Variants in REEP1 observed in about 807,000 individuals in gnomAD.
REEP1 encodes the protein receptor expression-enhancing protein 1.
In REEP1, 22 loss-of-function variants were observed where a neutral mutation model predicts 40.3. That is an observed-to-expected ratio of 0.55 (90% CI 0.39 to 0.78). The LOEUF is 0.78. REEP1 is among the 30% of genes least tolerant of loss of function. The pLI is 0.00. For synonymous variants in REEP1, 116 were observed against 139.2 expected (o/e 0.83, Z 1.17); for missense variants, 280 against 361.1 (o/e 0.78, Z 1.82).
intron 2 of REEP1, among the ~76,000 whole-genome samples, chr2:86,265,165 T>A (rs1453977120): frequency 6.6e-6 from 1 of 152,134 alleles, no homozygotes; most frequent in South Asian, 2.1e-4. Flanking sequence ...TATAAATACA[T>A]ATAGATATAA....
At chr2:86,235,382 G>A (rs1675261440) in intron 5 of REEP1, among the ~76,000 whole-genome samples, 1 of 152,192 alleles carries the variant, frequency 6.6e-6, no homozygotes, top group South Asian at 2.1e-4. Flanking sequence ...GGCTGCTCGT[G>A]CGGATTCAAT....
intron 7 of REEP1, among the ~76,000 whole-genome samples, chr2:86,227,006 G>A (rs1048178249): frequency 6.6e-6 from 1 of 152,116 alleles, no homozygotes; most frequent in East Asian, 1.9e-4. Context: ...CACCTGCCAC[G>A]TTGTAAGGAC....
chr2:86,252,684 T>C (rs1676352350), intron 4 of REEP1, among the ~76,000 whole-genome samples: 1 of 152,246 alleles, frequency 6.6e-6, no homozygotes, highest in Middle Eastern at 3.2e-3. Context: ...TGTTATTCTA[T>C]AGTTATTTAA....
chr2:86,271,470 G>GA (rs1362565933), intron 2 of REEP1, among the ~76,000 whole-genome samples: 1 of 152,052 alleles, frequency 6.6e-6, no homozygotes, highest in Non-Finnish European at 1.5e-5. Flanking sequence ...ATGACTATCA[G>GA]AGAAAATGGA....
At chr2:86,227,694 C>T (rs747540630) in intron 6 of REEP1, among the ~76,000 whole-genome samples, 1 of 152,220 alleles carries the variant, frequency 6.6e-6, no homozygotes, top group Non-Finnish European at 1.5e-5. Flanking sequence ...TAACTCCAAG[C>T]ACCCCTGCCC....
intron 5 of REEP1, among the ~76,000 whole-genome samples, chr2:86,240,703 T>G (rs1232071678): frequency 1.3e-5 from 2 of 152,126 alleles, no homozygotes; most frequent in African/African-American, 4.8e-5. Context: ...CTGAAGGTTT[T>G]TGAGAGGTGA....
At chr2:86,319,461 C>G (rs1680184282) in intron 1 of REEP1, among the ~76,000 whole-genome samples, 1 of 150,958 alleles carries the variant, frequency 6.6e-6, no homozygotes, top group African/African-American at 2.4e-5. Context: ...CTCACTCACG[C>G]CTGTACCCCC....
intron 7 of REEP1, among the ~76,000 whole-genome samples, chr2:86,225,059 G>A (rs1462385739): frequency 1.3e-5 from 2 of 152,204 alleles, no homozygotes; most frequent in African/African-American, 2.4e-5. Context: ...GCACCACAGG[G>A]TCATTTCCCA....
intron 1 of REEP1, among the ~76,000 whole-genome samples, chr2:86,306,186 T>C (rs1162887126): frequency 6.6e-6 from 1 of 152,112 alleles, no homozygotes; most frequent in Non-Finnish European, 1.5e-5. Flanking sequence ...CATCTTGCAA[T>C]CCAGCCCATA....
intron 7 of REEP1, among the ~76,000 whole-genome samples, chr2:86,220,925 C>T (rs917405115): frequency 5.3e-5 from 8 of 152,148 alleles, no homozygotes; most frequent in African/African-American, 1.7e-4. Flanking sequence ...ATCTGCTAGG[C>T]GGTTCTTAGT....
chr2:86,248,090 A>G (rs80170993), intron 5 of REEP1, among the ~76,000 whole-genome samples: 3,179 of 152,360 alleles, frequency 0.021, 46 homozygotes, highest in Middle Eastern at 0.037. Flanking sequence ...TGGAAAAAAG[A>G]AGACAGAAGG....
chr2:86,290,162 G>A (rs2161896), intron 1 of REEP1, among the ~76,000 whole-genome samples: 132,608 of 152,038 alleles, frequency 0.87, 58,270 homozygotes, highest in East Asian at 0.96. Context: ...ACGCCCAGCT[G>A]ATTTTTGTAT....
chr2:86,219,966 G>A lies in REEP1; in HGVS notation c.783+4C>T. The A allele has an allele frequency of 3.2e-6, 4 of 1,232,074 alleles. No individual in the cohort carries two copies. Among genetic ancestry groups the A allele is most frequent in the Non-Finnish European group, 4.0e-6 (4 of 987,958 alleles). The allele number at this position is 1,232,074 out of a possible 1,614,324, so 76.3% of individuals were successfully genotyped here. On this transcript the variant is annotated splice_donor_region_variant and intron_variant, in intron 8 of 8. Coordinates refer to ENST00000538924, the MANE Select transcript of REEP1 (RefSeq NM_001371279.1). The stretch of plus-strand genomic sequence containing the variant: ...TCCAACCCACAGCCCCAGACACTGT[G>A]TACCTCCAGGGGCAATTCCATCCTT...
At chr2:86,331,879 C>T (rs1335386328) in intron 1 of REEP1, among the ~76,000 whole-genome samples, 1 of 152,164 alleles carries the variant, frequency 6.6e-6, no homozygotes, top group African/African-American at 2.4e-5. Context: ...GGACTCCTTC[C>T]CCACTGAGCC....
chr2:86,305,456 G>A (rs1424139092), intron 1 of REEP1, among the ~76,000 whole-genome samples: 1 of 152,200 alleles, frequency 6.6e-6, no homozygotes, highest in East Asian at 1.9e-4. Context: ...CAGCCTGTGG[G>A]AGATTTCCTC....
At chr2:86,295,922 CT>C in intron 1 of REEP1, among the ~76,000 whole-genome samples, 1 of 152,306 alleles carries the variant, frequency 6.6e-6, no homozygotes, top group East Asian at 1.9e-4. Flanking sequence ...GTGCCATTTG[CT>C]TTTGCAGATC....
intron 1 of REEP1, among the ~76,000 whole-genome samples, chr2:86,314,306 C>T (rs982637506): frequency 6.6e-5 from 10 of 152,172 alleles, no homozygotes; most frequent in Non-Finnish European, 1.5e-5. Context: ...ATAGGGAAAC[C>T]ACCTCCCCAC....
chr2:86,223,276 C>T (rs569365532), intron 7 of REEP1, among the ~76,000 whole-genome samples: 15 of 152,330 alleles, frequency 9.8e-5, no homozygotes, highest in African/African-American at 3.4e-4. Context: ...CCTCTTCTCT[C>T]TGTGGGGAAG....
chr2:86,317,145 C>T (rs1032460633), intron 1 of REEP1, among the ~76,000 whole-genome samples: 1 of 152,144 alleles, frequency 6.6e-6, no homozygotes, highest in Admixed American at 6.5e-5. Flanking sequence ...ACATGCAGAA[C>T]ACTCTCCACA....
Sources: allele counts gnomAD v4.1 joint callset (sites outside exome capture counted in the v4.1 genomes callset), GRCh38; gene constraint gnomAD v4.1.1; transcripts MANE v1.5; gene names NCBI Gene and HGNC (gene_info 2026-07-23, HGNC 2026-07-21).